The following MTUS1 variants were observed in gnomAD, a reference collection of about 807,000 sequenced individuals.
MTUS1 encodes microtubule-associated tumor suppressor 1.
MTUS1 carries 109 observed loss-of-function variants against 120.8 expected under a neutral mutation model. The observed-to-expected ratio is 0.90, with a 90% CI of 0.77 to 1.06. The LOEUF (loss-of-function observed/expected upper bound fraction) is 1.06. MTUS1 is among the 50% of genes least tolerant of loss of function. MTUS1 has a pLI of 0.00. For synonymous variants in MTUS1, 737 were observed against 550.5 expected (o/e 1.34, Z -4.74); for missense variants, 2,210 against 1,486.3 (o/e 1.49, Z -8.01).
At chr8:17,722,705 G>C (rs887733078) in intron 4 of MTUS1, 4 of 245,482 alleles carry the variant, frequency 1.6e-5, no homozygotes, top group South Asian at 1.5e-4. Context: ...TTTTAGACCA[G>C]TGACAACATC....
chr8:17,746,113 A>G (rs958724847), intron 2 of MTUS1, among the ~76,000 whole-genome samples: 3 of 152,170 alleles, frequency 2.0e-5, no homozygotes, highest in African/African-American at 7.2e-5. Flanking sequence ...AGTCTCAGGT[A>G]GTTCTTTATA....
intron 1 of MTUS1, among the ~76,000 whole-genome samples, chr8:17,757,014 A>G (rs2048677400): frequency 1.3e-5 from 2 of 152,218 alleles, no homozygotes; most frequent in Admixed American, 1.3e-4. Context: ...TAAGTACCAC[A>G]TGCCCCAGCA....
intron 8 of MTUS1, chr8:17,674,312 C>T (rs146646312): frequency 0.015 from 3,215 of 220,942 alleles, 115 homozygotes; most frequent in African/African-American, 0.07. Context: ...CCCAGCTACT[C>T]GGAAGGCTGA....
rs2048482415 is a variant in MTUS1 at position 17,754,902 on chromosome 8, G to A, written c.906C>T (p.Pro302=). ...LTPVSDGMEV[P]NDSALQEFFC... ...AGAACTCTTGTAATGCAGAATCATT[G>A]GGGACTTCCATGCCATCAGAAACTG... The change falls in exon 2 of 15, where the codon CCC becomes CCT. Residue 302 remains proline, a synonymous_variant. Transcript: ENST00000693296. The A allele has an allele frequency of 6.2e-7, 1 of 1,614,072 alleles. No individual in the cohort carries two copies. Among genetic ancestry groups the A allele is most frequent in the Non-Finnish European group, 8.5e-7 (1 of 1,180,046 alleles).
At chr8:17,680,134 C>G (rs757606226) in intron 7 of MTUS1, among the ~76,000 whole-genome samples, 2 of 152,018 alleles carry the variant, frequency 1.3e-5, no homozygotes, top group African/African-American at 2.4e-5. Flanking sequence ...CAGACGGGAA[C>G]AGAACGTAGA....
At chr8:17,764,491 A>G (rs538958508) in intron 1 of MTUS1, among the ~76,000 whole-genome samples, 45 of 152,002 alleles carry the variant, frequency 3.0e-4, no homozygotes, top group African/African-American at 1.1e-3. Flanking sequence ...CATCCCCTAC[A>G]CACTGAACAA....
At chr8:17,653,570 C>G (rs1807527988) in intron 10 of MTUS1, 72 bp from the exon 11 acceptor site, 1 of 1,088,770 alleles carries the variant, frequency 9.2e-7, no homozygotes, top group Non-Finnish European at 1.4e-6. Context: ...ACAGTTAAAG[C>G]ATATAGATGT....
At chr8:17,782,562 G>C (rs769023293) in intron 1 of MTUS1, among the ~76,000 whole-genome samples, 1 of 152,186 alleles carries the variant, frequency 6.6e-6, no homozygotes, top group Non-Finnish European at 1.5e-5. Flanking sequence ...TTTTAACAGT[G>C]AAGTTTTATG....
At chr8:17,773,446 T>G (rs1247547838) in intron 1 of MTUS1, among the ~76,000 whole-genome samples, 1 of 152,208 alleles carries the variant, frequency 6.6e-6, no homozygotes, top group Non-Finnish European at 1.5e-5. Flanking sequence ...CTCACTTTGA[T>G]GTATATGTTA....
At chr8:17,674,569 T>C in intron 8 of MTUS1, 1 of 985,658 alleles carries the variant, frequency 1.0e-6, no homozygotes, top group Non-Finnish European at 1.2e-6. Flanking sequence ...TGGTGGGTGT[T>C]GAGACCTGGA....
At chr8:17,667,574 C>A (rs749960825) in intron 8 of MTUS1, among the ~76,000 whole-genome samples, 2 of 152,168 alleles carry the variant, frequency 1.3e-5, no homozygotes, top group Non-Finnish European at 2.9e-5. Context: ...AAGTTACTTT[C>A]CTCAGTAAGA....
At chr8:17,719,477 G>A (rs752201528) in intron 4 of MTUS1, among the ~76,000 whole-genome samples, 1 of 152,216 alleles carries the variant, frequency 6.6e-6, no homozygotes, top group Non-Finnish European at 1.5e-5. Flanking sequence ...AACGTGAACA[G>A]AGAAAGAACG....
At chr8:17,747,822 G>C (rs371140275) in intron 2 of MTUS1, among the ~76,000 whole-genome samples, 22 of 152,254 alleles carry the variant, frequency 1.4e-4, no homozygotes, top group Admixed American at 1.2e-3. Flanking sequence ...GGACTTAAGA[G>C]TTCCACGTGG....
chr8:17,663,279 T>C (rs1810170756), intron 8 of MTUS1, among the ~76,000 whole-genome samples: 1 of 152,184 alleles, frequency 6.6e-6, no homozygotes, highest in Non-Finnish European at 1.5e-5. Context: ...GGTCAGACTT[T>C]TATTATTTCC....
chr8:17,698,420 A>G (rs58595429), intron 6 of MTUS1, among the ~76,000 whole-genome samples: 7,340 of 152,294 alleles, frequency 0.048, 208 homozygotes, highest in African/African-American at 0.075. Context: ...AGATATGGTT[A>G]TAAGAATTAA....
chr8:17,695,539 A>G (rs1438346014), intron 6 of MTUS1, among the ~76,000 whole-genome samples: 7 of 152,234 alleles, frequency 4.6e-5, no homozygotes, highest in Non-Finnish European at 8.8e-5. Flanking sequence ...ATACATCACT[A>G]TCAACTAAAC....
At chr8:17,732,611 C>G (rs763154677) in intron 3 of MTUS1, among the ~76,000 whole-genome samples, 22 of 152,178 alleles carry the variant, frequency 1.4e-4, no homozygotes, top group African/African-American at 2.2e-4. Flanking sequence ...GCACTTCAAA[C>G]TTGCATATCC....
intron 12 of MTUS1, among the ~76,000 whole-genome samples, chr8:17,652,380 G>A (rs1439777411): frequency 6.6e-6 from 1 of 152,100 alleles, no homozygotes. Flanking sequence ...AGTAAACGAC[G>A]CCAGTCTTAA....
chr8:17,795,165 T>G (rs1207124815), intron 1 of MTUS1, among the ~76,000 whole-genome samples: 1 of 152,168 alleles, frequency 6.6e-6, no homozygotes, highest in East Asian at 1.9e-4. Flanking sequence ...ATAAGCTAAC[T>G]ACCCAACAGT....
Sources: allele counts gnomAD v4.1 joint callset (sites outside exome capture counted in the v4.1 genomes callset), GRCh38; gene constraint gnomAD v4.1.1; transcripts MANE v1.5; gene names NCBI Gene and HGNC (gene_info 2026-07-23, HGNC 2026-07-21).